The following FBXO4 variants were observed in gnomAD, a reference collection of about 807,000 sequenced individuals.
FBXO4 encodes F-box only protein 4.
FBXO4 carries 36 observed loss-of-function variants against 43.7 expected under a neutral mutation model. That is an observed-to-expected ratio of 0.82 (90% CI 0.63 to 1.09). The LOEUF is 1.09. Ranked by LOEUF, FBXO4 falls within the 50% of genes least tolerant of loss-of-function variation. FBXO4 has a pLI of 0.00. For synonymous variants in FBXO4, 180 were observed against 165.6 expected (o/e 1.09, Z -0.67); for missense variants, 435 against 474.1 (o/e 0.92, Z 0.77).
chr5:41,990,697 A>T, the FBXO4 span, among the ~76,000 whole-genome samples: 1 of 152,198 alleles, frequency 6.6e-6, no homozygotes, highest in African/African-American at 2.4e-5. Context: ...GGGAAATAAC[A>T]TTAATAGCAT....
At chr5:41,962,524 C>T in the FBXO4 span, among the ~76,000 whole-genome samples, 1 of 152,150 alleles carries the variant, frequency 6.6e-6, no homozygotes, top group South Asian at 2.1e-4. Flanking sequence ...AGCCACAGGT[C>T]ATCACTGTCT....
At chr5:41,928,717 A>G (rs1382345016) in intron 2 of FBXO4, 2 of 152,468 alleles carry the variant, frequency 1.3e-5, no homozygotes, top group Non-Finnish European at 2.9e-5. Flanking sequence ...AACTAAAAGT[A>G]GTGAGGCTTG....
chr5:41,967,993 T>C, the FBXO4 span: 1 of 443,136 alleles, frequency 2.3e-6, no homozygotes, highest in Non-Finnish European at 4.6e-6. Context: ...GCATGGCCCT[T>C]TGTTGCCAGA....
At chr5:41,938,194 A>C (rs185936643) in intron 5 of FBXO4, among the ~76,000 whole-genome samples, 9 of 152,332 alleles carry the variant, frequency 5.9e-5, no homozygotes, top group Admixed American at 2.0e-4. Flanking sequence ...TGACATTTTA[A>C]AGAAAAATAT....
At chr5:42,032,279 G>T in the FBXO4 span, among the ~76,000 whole-genome samples, 1 of 152,124 alleles carries the variant, frequency 6.6e-6, no homozygotes, top group Non-Finnish European at 1.5e-5. Context: ...ACAATAAGCA[G>T]ATCACAAAGC....
chr5:41,993,008 C>A, the FBXO4 span, among the ~76,000 whole-genome samples: 6 of 152,134 alleles, frequency 3.9e-5, no homozygotes, highest in Non-Finnish European at 8.8e-5. Flanking sequence ...ACATTATAAA[C>A]ACACTATTTT....
intron 5 of FBXO4, chr5:41,935,105 A>C (rs1751815310): frequency 1.0e-6 from 1 of 985,282 alleles, no homozygotes; most frequent in African/African-American, 1.7e-5. Flanking sequence ...AGTTCATTTA[A>C]CAAATAGTGT....
the FBXO4 span, among the ~76,000 whole-genome samples, chr5:42,005,937 G>A: frequency 2.6e-5 from 4 of 151,854 alleles, no homozygotes; most frequent in Non-Finnish European, 5.9e-5. Context: ...GGATCCTAAG[G>A]CCCCCTGTGA....
rs1186908415 is a variant in FBXO4 at position 41,933,979 on chromosome 5, A to G, written c.680A>G (p.Asn227Ser). 1.2e-6 allele frequency: 2 copies of G among 1,613,744 alleles called. No individual in the cohort carries two copies. Residue 227 changes from asparagine (N) to serine (S), a missense_variant, in exon 4 of 7, where the codon AAC (asparagine) becomes AGC (serine). Coordinates refer to ENST00000281623, the MANE Select transcript of FBXO4 (RefSeq NM_012176.3). ...TCAGGAGTCAATTTTCAGTTGAACA[A>G]CCAACATAAATTCAACATTCTAATC... The part of the protein sequence containing the change: ...IGSGVNFQLN[N>S]QHKFNILILY...
chr5:41,996,714 T>A, the FBXO4 span, among the ~76,000 whole-genome samples: 2 of 152,218 alleles, frequency 1.3e-5, no homozygotes, highest in African/African-American at 4.8e-5. Context: ...GCATTGTGCA[T>A]CTTTCTTGGT....
chr5:41,949,189 A>G, the FBXO4 span, among the ~76,000 whole-genome samples: 1 of 152,346 alleles, frequency 6.6e-6, no homozygotes, highest in African/African-American at 2.4e-5. Flanking sequence ...CTCCTATTCA[A>G]CATAGTAATG....
chr5:41,929,231 C>T (rs2112570045), intron 2 of FBXO4, among the ~76,000 whole-genome samples: 1 of 152,282 alleles, frequency 6.6e-6, no homozygotes, highest in Middle Eastern at 3.4e-3. Context: ...CTGGGGCCTG[C>T]CCTATGCATT....
intron 1 of FBXO4, 115 bp downstream of exon 1, chr5:41,925,613 C>A (rs1478171391): frequency 4.2e-5 from 31 of 732,236 alleles, no homozygotes; most frequent in Admixed American, 2.2e-4. Flanking sequence ...GGTCTGGCTC[C>A]GTCCATGCAG....
chr5:41,994,218 A>T, the FBXO4 span, among the ~76,000 whole-genome samples: 1 of 152,268 alleles, frequency 6.6e-6, no homozygotes, highest in South Asian at 2.1e-4. Context: ...TAAAGTTAAC[A>T]ATACTTAAAT....
chr5:41,939,674 G>T, intron 6 of FBXO4, 58 bp downstream of exon 6: 4 of 1,385,032 alleles, frequency 2.9e-6, no homozygotes, highest in South Asian at 2.9e-5. Context: ...TTTTCTATTT[G>T]ATTTTATTTT....
the FBXO4 span, among the ~76,000 whole-genome samples, chr5:41,949,201 A>G: frequency 1.3e-5 from 2 of 152,220 alleles, no homozygotes; most frequent in African/African-American, 4.8e-5. Context: ...ATAGTAATGG[A>G]AGTTCTGGCC....
chr5:41,988,836 C>T, the FBXO4 span, among the ~76,000 whole-genome samples: 1 of 152,020 alleles, frequency 6.6e-6, no homozygotes, highest in Non-Finnish European at 1.5e-5. Flanking sequence ...TTCACCAAAA[C>T]TCAGAAATAA....
At chr5:41,998,872 C>T in the FBXO4 span, among the ~76,000 whole-genome samples, 2 of 151,842 alleles carry the variant, frequency 1.3e-5, no homozygotes, top group African/African-American at 2.4e-5. Context: ...GACTCTCACT[C>T]AGGTAAATCT....
At chr5:41,999,580 T>G in the FBXO4 span, among the ~76,000 whole-genome samples, 1 of 139,636 alleles carries the variant, frequency 7.2e-6, no homozygotes, top group African/African-American at 2.7e-5. Flanking sequence ...TATATAGTAG[T>G]TTACTAAATA....
Sources: allele counts gnomAD v4.1 joint callset (sites outside exome capture counted in the v4.1 genomes callset), GRCh38; gene constraint gnomAD v4.1.1; transcripts MANE v1.5; gene names NCBI Gene and HGNC (gene_info 2026-07-23, HGNC 2026-07-21).